Variants in MALRD1 observed in about 807,000 individuals in gnomAD.
The protein encoded by MALRD1 is MAM and LDL-receptor class A domain-containing protein 1.
In MALRD1, 247 loss-of-function variants were observed where a neutral mutation model predicts 242.1. The observed-to-expected ratio is 1.02, with a 90% CI of 0.92 to 1.13. MALRD1 has a LOEUF of 1.13. Among genes scored for constraint, MALRD1 ranks in the 50% most tolerant of loss-of-function variants. MALRD1 has a pLI of 0.00. For synonymous variants in MALRD1, 995 were observed against 866.6 expected (o/e 1.15, Z -2.60); for missense variants, 2,989 against 2,533.1 (o/e 1.18, Z -3.86).
At position 19,459,889 on chromosome 10, in the gene MALRD1, G is replaced by A. The variant is rs140671821; in HGVS notation, c.5029+9399G>A. Among the ~76,000 whole-genome samples the A allele has an allele frequency of 2.9e-3, 438 of 151,760 alleles. 2 individuals are homozygous for A. Among genetic ancestry groups the A allele is most frequent in the African/African-American group, 9.8e-3 (405 of 41,446 alleles). On this transcript the variant is annotated intron_variant, in intron 29 of 39. Transcript: ENST00000454679. The stretch of plus-strand genomic sequence containing the variant: ...TTAAGAAAAAATAATTATTTGACCA[G>A]ACATTTTAGTAAGGCTTAAATAGCC...
chr10:19,386,267 A>G (rs1312752889), intron 26 of MALRD1, among the ~76,000 whole-genome samples: 1 of 152,040 alleles, frequency 6.6e-6, no homozygotes, highest in Non-Finnish European at 1.5e-5. Context: ...AAATACCTGA[A>G]CTTCATCCCC....
chr10:19,458,330 C>T (rs1390505230), intron 29 of MALRD1, among the ~76,000 whole-genome samples: 5 of 152,048 alleles, frequency 3.3e-5, no homozygotes, highest in Non-Finnish European at 7.4e-5. Context: ...AGTTTATCTC[C>T]TGATTATATG....
In MALRD1 at chr10:19,679,045, G is replaced by C. The variant is rs529681796; in HGVS notation, c.6138-13237G>C. Among the ~76,000 whole-genome samples the C allele has an allele frequency of 2.6e-5, 4 of 152,256 alleles. No individual in the cohort carries two copies. In the East Asian group the frequency reaches 5.8e-4, roughly 22 times the overall value. On this transcript the variant is annotated intron_variant, in intron 36 of 39. Coordinates refer to ENST00000454679, the MANE Select transcript of MALRD1 (RefSeq NM_001142308.3). Reference sequence around the variant, plus strand: ...TAGATAAGCTTTTTGATATGCTGCTGGATTCAGTTTGCCAGTATTTTGTTG... The same window carrying C: ...TAGATAAGCTTTTTGATATGCTGCTCGATTCAGTTTGCCAGTATTTTGTTG...
chr10:19,094,746 A>T (rs559238507), intron 4 of MALRD1, among the ~76,000 whole-genome samples: 99 of 152,234 alleles, frequency 6.5e-4, no homozygotes, highest in Non-Finnish European at 9.8e-4. Flanking sequence ...AAGTAGAATA[A>T]TTGTCATATT....
At position 19,692,354 on chromosome 10, in the gene MALRD1, T is replaced by G. The variant is rs1414563147; in HGVS notation, c.6210T>G (p.Ala2070=). 1.0e-5 allele frequency: 16 copies of G among 1,535,164 alleles called. No individual in the cohort carries two copies. The highest frequency in any genetic ancestry group is 3.9e-5 in the Admixed American group (2 of 50,948). ...FNPPATDFTY[A]QNNTWTLLGI... Reference sequence around the variant, plus strand: ...CTCCTGCTACAGACTTCACATACGCTCAGAATAGTAGGTGACATTATGACT... The same window carrying G: ...CTCCTGCTACAGACTTCACATACGCGCAGAATAGTAGGTGACATTATGACT... The change falls in exon 37 of 40, where the codon GCT becomes GCG. Residue 2070 remains alanine (A), a synonymous_variant. Coordinates refer to ENST00000454679, the MANE Select transcript of MALRD1 (RefSeq NM_001142308.3).
intron 32 of MALRD1, among the ~76,000 whole-genome samples, chr10:19,564,120 T>C (rs1321983159): frequency 1.3e-5 from 2 of 152,166 alleles, no homozygotes; most frequent in Non-Finnish European, 2.9e-5. Context: ...TTACCCAGTC[T>C]CAGGTATTCC....
At chr10:19,062,781 A>C (rs955965815) in intron 1 of MALRD1, among the ~76,000 whole-genome samples, 29 of 152,176 alleles carry the variant, frequency 1.9e-4, no homozygotes, top group Non-Finnish European at 3.7e-4. Flanking sequence ...CAGTTTTGCA[A>C]GATGGAATGG....
At chr10:19,575,949 T>C (rs1293705442) in intron 33 of MALRD1, among the ~76,000 whole-genome samples, 6 of 152,206 alleles carry the variant, frequency 3.9e-5, no homozygotes, top group African/African-American at 9.6e-5. Context: ...TCCAGAAAGA[T>C]AGACCACTCC....
chr10:19,374,615 C>T (rs1427326123), intron 26 of MALRD1, among the ~76,000 whole-genome samples: 1 of 152,154 alleles, frequency 6.6e-6, no homozygotes, highest in Non-Finnish European at 1.5e-5. Context: ...CATATACATA[C>T]ACATGCATAT....
intron 36 of MALRD1, among the ~76,000 whole-genome samples, chr10:19,678,913 T>C (rs1271440230): frequency 6.6e-6 from 1 of 152,048 alleles, no homozygotes; most frequent in Non-Finnish European, 1.5e-5. Flanking sequence ...CAATCCATGA[T>C]TATGTGATTT....
chr10:19,703,230 C>T (rs1833700929), intron 38 of MALRD1, among the ~76,000 whole-genome samples: 1 of 152,194 alleles, frequency 6.6e-6, no homozygotes, highest in South Asian at 2.1e-4. Flanking sequence ...AATTCTTCAT[C>T]TGCCTCTCAT....
chr10:19,405,134 T>G (rs1847034687), intron 28 of MALRD1, among the ~76,000 whole-genome samples: 1 of 152,152 alleles, frequency 6.6e-6, no homozygotes, highest in Non-Finnish European at 1.5e-5. Context: ...ACACGTTACC[T>G]CAACTTTCTA....
chr10:19,107,781 C>T (rs1836521241), intron 5 of MALRD1, among the ~76,000 whole-genome samples: 2 of 148,758 alleles, frequency 1.3e-5, no homozygotes, highest in African/African-American at 4.9e-5. Flanking sequence ...TTTTCTATTT[C>T]TCATTTGTTT....
intron 4 of MALRD1, among the ~76,000 whole-genome samples, chr10:19,103,524 C>T (rs1039375612): frequency 7.6e-6 from 1 of 131,244 alleles, no homozygotes; most frequent in Non-Finnish European, 1.6e-5. Context: ...TGCACTCCGG[C>T]CTGGGTGAAA....
intron 36 of MALRD1, among the ~76,000 whole-genome samples, chr10:19,647,105 A>G (rs967963194): frequency 6.6e-6 from 1 of 152,212 alleles, no homozygotes; most frequent in Non-Finnish European, 1.5e-5. Flanking sequence ...GAAGAAACGA[A>G]TGCACTTCCC....
At position 19,136,786 on chromosome 10, in the gene MALRD1, G is replaced by T. The variant is rs2131413915; in HGVS notation, c.1411+5G>T. On this transcript the variant is annotated splice_donor_5th_base_variant and intron_variant, in intron 10 of 39. Transcript: ENST00000454679. ...ATGAAGACCCAGCAACTTGCTGTAA[G>T]TGAGTGAATGGCTTACTAGTTTACA... The T allele has an allele frequency of 2.4e-6, 3 of 1,230,638 alleles. No individual in the cohort carries two copies. The highest frequency in any genetic ancestry group is 3.0e-6 in the Non-Finnish European group (3 of 986,994). 76.2% of individuals were successfully genotyped at this position (1,230,638 alleles called of 1,614,324 possible).
At chr10:19,544,325 A>C (rs3844354) in intron 32 of MALRD1, among the ~76,000 whole-genome samples, 129,725 of 152,010 alleles carry the variant, frequency 0.85, 55,359 homozygotes, top group African/African-American at 0.86. Flanking sequence ...TTAGCTGGGA[A>C]TACAGGTGCC....
At chr10:19,590,915 G>A (rs951994457) in intron 33 of MALRD1, among the ~76,000 whole-genome samples, 1 of 152,108 alleles carries the variant, frequency 6.6e-6, no homozygotes, top group African/African-American at 2.4e-5. Context: ...AAAGTCCATA[G>A]TATACATTAA....
chr10:19,729,818 G>C (rs1835209875), intron 38 of MALRD1, among the ~76,000 whole-genome samples: 1 of 122,476 alleles, frequency 8.2e-6, no homozygotes, highest in Non-Finnish European at 1.6e-5. Context: ...CTCACTGCAA[G>C]CTCCGCCTCC....
Sources: allele counts gnomAD v4.1 joint callset (sites outside exome capture counted in the v4.1 genomes callset), GRCh38; gene constraint gnomAD v4.1.1; transcripts MANE v1.5; gene names NCBI Gene and HGNC (gene_info 2026-07-23, HGNC 2026-07-21).